Variants in ANKS1B observed in about 807,000 individuals in gnomAD.
ANKS1B encodes the protein ankyrin repeat and sterile alpha motif domain-containing protein 1B.
A neutral mutation model predicts 148.3 loss-of-function variants in ANKS1B; 36 were observed. The observed-to-expected ratio is 0.24, with a 90% CI of 0.19 to 0.32. The LOEUF is 0.32. ANKS1B is among the 10% of genes least tolerant of loss of function. The probability of loss-of-function intolerance (pLI) is 1.00; values close to 1 mark genes in which losing one functional copy is unlikely to be tolerated. For missense variants in ANKS1B, 1,157 were observed against 1,542.6 expected (o/e 0.75, Z 4.19); for synonymous variants, 542 against 560.8 (o/e 0.97, Z 0.47).
At chr12:98,750,593 G>T (rs568932071) in intron 26 of ANKS1B, among the ~76,000 whole-genome samples, 3 of 152,296 alleles carry the variant, frequency 2.0e-5, no homozygotes, top group African/African-American at 7.2e-5. Flanking sequence ...AATGCATTCT[G>T]GGGGAGTCCC....
chr12:98,942,854 A>G (rs771639612), intron 17 of ANKS1B, among the ~76,000 whole-genome samples: 1 of 152,350 alleles, frequency 6.6e-6, no homozygotes, highest in Non-Finnish European at 1.5e-5. Flanking sequence ...GAAGAGTTCA[A>G]ATGAGAAAAT....
intron 8 of ANKS1B, among the ~76,000 whole-genome samples, chr12:99,698,647 T>C (rs763810703): frequency 1.2e-4 from 18 of 152,332 alleles, no homozygotes; most frequent in South Asian, 4.1e-4. Context: ...ATAAGTTCCT[T>C]TGCTATATAT....
intron 17 of ANKS1B, among the ~76,000 whole-genome samples, chr12:99,039,783 G>A (rs941603979): frequency 4.6e-5 from 7 of 152,242 alleles, no homozygotes; most frequent in Non-Finnish European, 1.0e-4. Flanking sequence ...CTGGTGCGCT[G>A]CACCCACTAA....
intron 12 of ANKS1B, among the ~76,000 whole-genome samples, chr12:99,255,211 G>A (rs562153960): frequency 2.0e-5 from 3 of 152,078 alleles, no homozygotes; most frequent in African/African-American, 4.8e-5. Flanking sequence ...CCTTTTTGAA[G>A]TTTTTTAAAG....
At chr12:99,398,461 G>C (rs773952052) in intron 12 of ANKS1B, among the ~76,000 whole-genome samples, 1 of 152,068 alleles carries the variant, frequency 6.6e-6, no homozygotes, top group Non-Finnish European at 1.5e-5. Flanking sequence ...TGAATTCACT[G>C]AATGAATGCT....
chr12:99,335,638 T>C (rs376474049), intron 12 of ANKS1B, among the ~76,000 whole-genome samples: 7 of 152,244 alleles, frequency 4.6e-5, no homozygotes, highest in African/African-American at 9.6e-5. Context: ...ATTAACATAA[T>C]GTCCTCCAGT....
intron 12 of ANKS1B, among the ~76,000 whole-genome samples, chr12:99,383,884 A>G (rs7314891): frequency 0.44 from 63,486 of 145,456 alleles, 16,255 homozygotes; most frequent in African/African-American, 0.72. Context: ...AAAAGAAGTA[A>G]CTGGGCATGG....
rs2097868772 is a variant in ANKS1B, at chr12:98,745,804, T to C, written c.3793A>G (p.Ile1265Val). The C allele has an allele frequency of 1.9e-6, 3 of 1,613,588 alleles. No homozygotes were observed. The highest frequency in any genetic ancestry group is 1.3e-5 in the African/African-American group (1 of 74,900). Residue 1265 changes from isoleucine (I) to valine (V), a missense_variant, in exon 27 of 27, where the codon ATT (isoleucine) becomes GTT (valine). Around this residue, in one of 6 missense-constraint regions of ANKS1B, gnomAD observed 46 missense variants for 62.0 expected, o/e 0.74. Transcript: ENST00000683438. ...TTGGCTTCTTGGCCCGGCTCCACAA[T>C]CCACGGTAGATTGGCCAGAGTCTTT... The part of the protein sequence containing the change: ...EQKTLANLPW[I>V]VEPGQEAKRG...
At chr12:99,709,278 A>G (rs982552448) in intron 8 of ANKS1B, among the ~76,000 whole-genome samples, 13 of 152,166 alleles carry the variant, frequency 8.5e-5, no homozygotes, top group Admixed American at 6.5e-4. Context: ...GATTCACACT[A>G]TAACAACTAT....
At chr12:98,959,055 C>G (rs2153121914) in intron 17 of ANKS1B, among the ~76,000 whole-genome samples, 1 of 152,150 alleles carries the variant, frequency 6.6e-6, no homozygotes, top group African/African-American at 2.4e-5. Flanking sequence ...ACACAGTGAA[C>G]TGACAAAAAA....
At chr12:99,224,161 A>G (rs912001048) in intron 14 of ANKS1B, among the ~76,000 whole-genome samples, 2 of 152,136 alleles carry the variant, frequency 1.3e-5, no homozygotes, top group Admixed American at 6.5e-5. Context: ...TAAAGTAATG[A>G]TTTTATTCAG....
At position 99,301,829 on chromosome 12, in the gene ANKS1B, A is replaced by G. The variant is rs2081662628; in HGVS notation, c.1757-54965T>C. On this transcript the variant is annotated intron_variant, in intron 12 of 26. Transcript: ENST00000683438. ...AAAAAGTACACAGTGTTATATAAAA[A>G]AAGGCATAAAGCAACGGTAAGGCAT... is the stretch of plus-strand genomic sequence containing the variant. 3.3e-5 allele frequency among the ~76,000 whole-genome samples: 5 copies of G among 152,202 alleles called. No individual in the cohort carries two copies. In the South Asian group the frequency reaches 1.0e-3, roughly 31 times the overall value.
rs184524430 is a variant in ANKS1B at position 98,774,683 on chromosome 12, C to A, written c.3442-1504G>T. Among the ~76,000 whole-genome samples the A allele has an allele frequency of 2.7e-3, 418 of 152,240 alleles. 1 individual carries two copies. The highest frequency in any genetic ancestry group is 9.8e-3 in the African/African-American group (408 of 41,530). ...TGGCAATACAGTGTTCCGTGTACAG[C>A]CATCAATGCCTAAAAATGCTTACAA... On this transcript the variant is annotated intron_variant, in intron 24 of 26. Coordinates refer to ENST00000683438, the MANE Select transcript of ANKS1B (RefSeq NM_001352186.2).
intron 9 of ANKS1B, among the ~76,000 whole-genome samples, chr12:99,612,462 T>C (rs2097910925): frequency 6.6e-6 from 1 of 152,134 alleles, no homozygotes; most frequent in Admixed American, 6.6e-5. Flanking sequence ...GAAACTGAGA[T>C]GCAGAGAGTT....
At chr12:99,974,421 AAAT>A (rs1251704635) in intron 1 of ANKS1B, among the ~76,000 whole-genome samples, 1 of 152,226 alleles carries the variant, frequency 6.6e-6, no homozygotes, top group African/African-American at 2.4e-5. Context: ...TGATATAGGC[AAAT>A]AATATATGTT....
intron 9 of ANKS1B, among the ~76,000 whole-genome samples, chr12:99,632,725 T>TTATATA (rs1294251446): frequency 3.8e-5 from 1 of 26,188 alleles, no homozygotes; most frequent in Non-Finnish European, 8.3e-5. Context: ...TTCCTTTTCT[T>TTATATA]TCTATATATA....
intron 3 of ANKS1B, among the ~76,000 whole-genome samples, chr12:99,810,273 A>G (rs780692881): frequency 2.6e-5 from 4 of 152,004 alleles, no homozygotes; most frequent in Non-Finnish European, 4.4e-5. Flanking sequence ...TTTTGAGGTG[A>G]AAGTGTTTAG....
intron 25 of ANKS1B, among the ~76,000 whole-genome samples, chr12:98,762,516 A>C (rs937651379): frequency 1.3e-5 from 2 of 152,206 alleles, no homozygotes; most frequent in African/African-American, 4.8e-5. Flanking sequence ...TCATTCCAGC[A>C]ATCACCCCTA....
At chr12:99,846,969 G>C (rs538601548) in intron 1 of ANKS1B, among the ~76,000 whole-genome samples, 1 of 152,210 alleles carries the variant, frequency 6.6e-6, no homozygotes, top group African/African-American at 2.4e-5. Flanking sequence ...TTCACAGAAA[G>C]AAGAACCAAG....
Sources: gnomAD v4.1 joint callset for allele counts (sites outside exome capture counted in the v4.1 genomes callset) on GRCh38, gnomAD v4.1.1 for gene constraint, gnomAD v4.1.1 regional missense constraint, MANE v1.5 for transcripts, NCBI Gene and HGNC (gene_info 2026-07-23, HGNC 2026-07-21) for gene names.